Variants in TRNAU1AP observed in about 807,000 individuals in gnomAD.
TRNAU1AP encodes the protein tRNA selenocysteine 1-associated protein 1.
Under a neutral mutation model 43.3 loss-of-function variants are expected in TRNAU1AP, and 33 were observed. That is an observed-to-expected ratio of 0.76 (90% CI 0.58 to 1.02). The LOEUF (loss-of-function observed/expected upper bound fraction) is 1.02, where lower values mean the gene tolerates loss of function less well. Among genes scored for constraint, TRNAU1AP ranks in the 50% least tolerant of loss-of-function variants. The pLI, the probability that TRNAU1AP is intolerant of heterozygous loss-of-function variation, is 0.00. For synonymous variants in TRNAU1AP, 143 were observed against 129.1 expected, an observed-to-expected ratio of 1.11 and a Z score of -0.73; for missense variants, 290 against 362.7, an observed-to-expected ratio of 0.80 and a Z score of 1.63.
At chr1:28,569,449 T>C (rs1346754122) in intron 6 of TRNAU1AP, among the ~76,000 whole-genome samples, 1 of 151,956 alleles carries the variant, frequency 6.6e-6, no homozygotes, top group Non-Finnish European at 1.5e-5. Flanking sequence ...CCCAGCACTT[T>C]GGGAGGCCGA....
chr1:28,571,789 A>G lies in TRNAU1AP; in HGVS notation c.694-78A>G, dbSNP rs1011003431. The G allele has an allele frequency of 2.4e-6, 3 of 1,258,510 alleles. 1 individual carries two copies. The highest frequency in any genetic ancestry group is 3.5e-6 in the Non-Finnish European group (3 of 867,322). 78.0% of individuals were successfully genotyped at this position (1,258,510 alleles called of 1,614,324 possible). A position where few individuals can be genotyped will look rare whatever the true frequency, so the allele number is the denominator to read the frequency against. On this transcript the variant is annotated intron_variant, in intron 7 of 8. Coordinates refer to ENST00000373830, the MANE Select transcript of TRNAU1AP (RefSeq NM_017846.5). ...CAGAGCTAGACTCCACCTCAAAAAA[A>G]ATAAAAAATATAAGCCACTGTGGTC...
At chr1:28,554,873 A>G (rs1256857888) in intron 2 of TRNAU1AP, among the ~76,000 whole-genome samples, 1 of 151,504 alleles carries the variant, frequency 6.6e-6, no homozygotes, top group African/African-American at 2.4e-5. Flanking sequence ...ATAATAAATA[A>G]CAAGTCAGGA....
At chr1:28,553,618 C>G in intron 1 of TRNAU1AP, 22 bp from the exon 2 acceptor site, 1 of 1,612,112 alleles carries the variant, frequency 6.2e-7, no homozygotes, top group African/African-American at 1.3e-5. Flanking sequence ...GCCTGAGCCG[C>G]TGTGCTCTTG....
chr1:28,571,961 CTG>C (rs1665671484), intron 8 of TRNAU1AP, 61 bp downstream of exon 8: 1 of 1,420,664 alleles, frequency 7.0e-7, no homozygotes, highest in Non-Finnish European at 1.0e-6. Flanking sequence ...GTGGCTGGCA[CTG>C]TGCTCTCAGC....
At chr1:28,564,861 T>C (rs1262106591) in intron 5 of TRNAU1AP, 27 bp downstream of exon 5, 4 of 1,613,378 alleles carry the variant, frequency 2.5e-6, no homozygotes, top group African/African-American at 2.7e-5. Context: ...TACTGATGCT[T>C]AACTGTGTTA....
intron 2 of TRNAU1AP, among the ~76,000 whole-genome samples, chr1:28,556,002 C>T (rs1045781984): frequency 3.3e-5 from 5 of 151,944 alleles, no homozygotes; most frequent in East Asian, 1.9e-4. Flanking sequence ...TACAGGCGCC[C>T]GCCACCACGC....
At chr1:28,575,766 C>T (rs1296536829) in intron 8 of TRNAU1AP, among the ~76,000 whole-genome samples, 1 of 150,592 alleles carries the variant, frequency 6.6e-6, no homozygotes, top group Non-Finnish European at 1.5e-5. Context: ...CTATGTTGGT[C>T]AGGCTGGTCT....
Position 28,577,760 on chromosome 1 carries a change from A to C in TRNAU1AP, c.*124A>C, listed in dbSNP as rs888186684. 3 of 1,120,334 alleles carry C rather than the reference A, an allele frequency of 2.7e-6. No individual in the cohort carries two copies. The highest frequency in any genetic ancestry group is 3.8e-6 in the Non-Finnish European group (3 of 785,294). The allele number at this position is 1,120,334 out of a possible 1,614,324, so 69.4% of individuals were successfully genotyped here. On this transcript the variant is annotated 3_prime_UTR_variant, in exon 9 of 9. Coordinates refer to ENST00000373830, the MANE Select transcript of TRNAU1AP (RefSeq NM_017846.5). ...TTAATAATGACTGTTTTTGGAGATC[A>C]TGAATGTTTCTACAACACTGCTGCA...
chr1:28,557,867 G>A (rs892496098), intron 2 of TRNAU1AP, among the ~76,000 whole-genome samples: 6 of 151,484 alleles, frequency 4.0e-5, no homozygotes, highest in South Asian at 2.1e-4. Flanking sequence ...GATTACAGGC[G>A]TGAGCCACCG....
intron 2 of TRNAU1AP, among the ~76,000 whole-genome samples, chr1:28,558,831 C>T (rs1665338542): frequency 6.6e-6 from 1 of 152,080 alleles, no homozygotes; most frequent in South Asian, 2.1e-4. Context: ...TCCCAAAGTG[C>T]TGGGATTACA....
chr1:28,560,816 T>G, intron 3 of TRNAU1AP, 84 bp downstream of exon 3: 1 of 1,167,190 alleles, frequency 8.6e-7, no homozygotes, highest in Non-Finnish European at 1.2e-6. Context: ...TGTATACTTA[T>G]TTTATTTAAT....
At chr1:28,560,604 T>G in intron 2 of TRNAU1AP, 29 bp from the exon 3 acceptor site, 2 of 1,580,836 alleles carry the variant, frequency 1.3e-6, no homozygotes, top group Non-Finnish European at 1.7e-6. Flanking sequence ...TCTTTAACCA[T>G]TTTCTTTCTC....
intron 2 of TRNAU1AP, among the ~76,000 whole-genome samples, chr1:28,557,612 CAG>C (rs1451812116): frequency 1.3e-5 from 2 of 151,378 alleles, no homozygotes; most frequent in Non-Finnish European, 2.9e-5. Context: ...TCTTTTGAGA[CAG>C]AGTCTTGCTC....
chr1:28,571,155 T>TTAAA (rs1665654189), intron 6 of TRNAU1AP, 21 bp from the exon 7 acceptor site: 4 of 1,612,496 alleles, frequency 2.5e-6, no homozygotes. Context: ...ACACTTATTT[T>TTAAA]TGTTTCTGTC....
intron 1 of TRNAU1AP, 63 bp downstream of exon 1, chr1:28,553,200 A>G (rs1338269862): frequency 2.8e-6 from 4 of 1,436,116 alleles, no homozygotes. Flanking sequence ...GCGAGAGAGG[A>G]AGGATCTGAG....
chr1:28,558,909 A>G (rs1043859067), intron 2 of TRNAU1AP, among the ~76,000 whole-genome samples: 2 of 152,148 alleles, frequency 1.3e-5, no homozygotes, highest in Admixed American at 1.3e-4. Flanking sequence ...ATATCACACT[A>G]ACAAAATTAT....
At chr1:28,564,457 T>C (rs1665492424) in intron 4 of TRNAU1AP, among the ~76,000 whole-genome samples, 1 of 152,204 alleles carries the variant, frequency 6.6e-6, no homozygotes, top group African/African-American at 2.4e-5. Context: ...TCCACACATC[T>C]GCACTCATGT....
intron 7 of TRNAU1AP, 83 bp downstream of exon 7, chr1:28,571,421 AGG>A (rs1356516596): frequency 4.2e-6 from 6 of 1,427,016 alleles, no homozygotes; most frequent in Non-Finnish European, 4.9e-6. Context: ...GGGATTGGTA[AGG>A]ACAGGGGCTT....
intron 2 of TRNAU1AP, among the ~76,000 whole-genome samples, chr1:28,559,218 C>G (rs1665350607): frequency 6.6e-6 from 1 of 152,008 alleles, no homozygotes. Flanking sequence ...ACTACAGGCG[C>G]CTACCACCAT....
Sources: gnomAD v4.1 joint callset for allele counts (sites outside exome capture counted in the v4.1 genomes callset) on GRCh38, gnomAD v4.1.1 for gene constraint, MANE v1.5 for transcripts, NCBI Gene and HGNC (gene_info 2026-07-23, HGNC 2026-07-21) for gene names.